The following HMCN1 variants were observed in gnomAD, a reference collection of about 807,000 sequenced individuals.
HMCN1 encodes the protein hemicentin 1.
A neutral mutation model predicts 625.9 loss-of-function variants in HMCN1; 321 were observed. That is an observed-to-expected ratio of 0.51 (90% CI 0.47 to 0.56). The LOEUF (loss-of-function observed/expected upper bound fraction) is 0.56, where lower values mean the gene tolerates loss of function less well. Among genes scored for constraint, HMCN1 ranks in the 20% least tolerant of loss-of-function variants. The pLI is 0.00. For synonymous variants in HMCN1, 2,425 were observed against 2,417.6 expected (o/e 1.00, Z -0.09); for missense variants, 6,588 against 6,887.3 (o/e 0.96, Z 1.54).
At position 186,081,061 on chromosome 1, in the gene HMCN1, A is replaced by G. The variant is rs1659140357; in HGVS notation, c.8600-146A>G. ...TTTCACCACCCCAATTTATTAGTAT[A>G]AAATGTTACCTGGGGATCATATAGT... On this transcript the variant is annotated intron_variant, in intron 55 of 106. Transcript: ENST00000271588. 5.2e-6 allele frequency: 4 copies of G among 776,052 alleles called. No homozygotes were observed. The Admixed American group carries it at 6.9e-5, about 13-fold the overall frequency. 48.1% of individuals were successfully genotyped at this position (776,052 alleles called of 1,614,324 possible).
At chr1:185,770,253 G>A (rs762778823) in intron 1 of HMCN1, among the ~76,000 whole-genome samples, 3 of 152,156 alleles carry the variant, frequency 2.0e-5, no homozygotes, top group African/African-American at 7.2e-5. Context: ...ACTGAAGAGA[G>A]GAATGAACAA....
rs375085364 is a variant in HMCN1, at chr1:186,125,674, C to A, written c.12570C>A (p.Cys4190Ter). 1.2e-6 allele frequency: 2 copies of A among 1,612,294 alleles called. No homozygotes were observed. Among genetic ancestry groups the A allele is most frequent in the South Asian group, 2.2e-5 (2 of 91,044 alleles). Residue 4190 changes from cysteine to a stop codon, truncating the protein, a stop_gained, in exon 82 of 107, where the codon TGC becomes TGA. Transcript: ENST00000271588. LOFTEE classifies it high-confidence loss of function. Reference protein sequence around the residue: ...VNENSQAILPCVADGIPTPAI... With the variant: ...VNENSQAILP ...AGAATTCACAAGCCATTCTTCCATG[C>A]GTAGCTGATGGAATCCCCACACCAG...
intron 96 of HMCN1, 82 bp downstream of exon 96, chr1:186,152,953 T>A: frequency 1.3e-6 from 2 of 1,534,084 alleles, no homozygotes; most frequent in Non-Finnish European, 1.8e-6. Flanking sequence ...ACAGATAACT[T>A]GTTCACTCTG....
In HMCN1 at chr1:185,994,804, AT is replaced by A. The variant is rs1652671390; in HGVS notation, c.3506-9del. The A allele has an allele frequency of 6.2e-7, 1 of 1,612,466 alleles. No homozygotes were observed. The highest frequency in any genetic ancestry group is 8.5e-7 in the Non-Finnish European group (1 of 1,178,832). Reference sequence around the variant, plus strand: ...AAAGTTGGATTATTAATACCCAGTTATTATTTCTAGTTCCTCCAAAGATACA... The same window carrying A: ...AAAGTTGGATTATTAATACCCAGTTATATTTCTAGTTCCTCCAAAGATACA... On this transcript the variant is annotated splice_polypyrimidine_tract_variant and intron_variant, in intron 23 of 106. Coordinates refer to ENST00000271588, the MANE Select transcript of HMCN1 (RefSeq NM_031935.3).
Position 186,166,869 on chromosome 1 carries a change from G to A in HMCN1, c.15501G>A (p.Thr5167=), listed in dbSNP as rs1163890278. Residue 5167 remains threonine (T), a synonymous_variant, in exon 100 of 107, where the codon ACG becomes ACA. Transcript: ENST00000271588. Reference sequence around the variant, plus strand: ...ACGCTGGTCAGGACTGTGACAATACGATTGGATCTTATCGCTGTGTGGTCC... The same window carrying A: ...ACGCTGGTCAGGACTGTGACAATACAATTGGATCTTATCGCTGTGTGGTCC... ...TCHAGQDCDN[T]IGSYRCVVRC... The A allele has an allele frequency of 6.8e-6, 11 of 1,614,144 alleles. No homozygotes were observed. Among genetic ancestry groups the A allele is most frequent in the South Asian group, 2.2e-5 (2 of 91,076 alleles).
rs758532616 is a variant in HMCN1 at position 186,114,963 on chromosome 1, A to G, written c.11404+17A>G. On this transcript the variant is annotated intron_variant, in intron 74 of 106. Coordinates refer to ENST00000271588, the MANE Select transcript of HMCN1 (RefSeq NM_031935.3). ...AGGTCCATGGTAAATATCCGTTTAT[A>G]GACAACATCCGGTCTCTGTGTCAAA... 6.2e-7 allele frequency: 1 copy of G among 1,614,202 alleles called. No individual in the cohort carries two copies. The highest frequency in any genetic ancestry group is 8.5e-7 in the Non-Finnish European group (1 of 1,180,004).
At position 186,115,275 on chromosome 1, in the gene HMCN1, C is replaced by T; in HGVS notation, c.11422C>T (p.Pro3808Ser). The T allele has an allele frequency of 6.2e-7, 1 of 1,614,042 alleles. No individual in the cohort carries two copies. The highest frequency in any genetic ancestry group is 8.5e-7 in the Non-Finnish European group (1 of 1,179,964). Reference sequence around the variant, plus strand: ...TGTCTTAGTTCCTCCATCTATTGCTCCGGGTCCTACCAACATGACTGTAAT... The same window carrying T: ...TGTCTTAGTTCCTCCATCTATTGCTTCGGGTCCTACCAACATGACTGTAAT... ...LQVHVPPSIA[P>S]GPTNMTVIVN... is the part of the protein sequence containing the mutation. Residue 3808 changes from proline to serine, a missense_variant, in exon 75 of 107, where the codon CCG becomes TCG. Physicochemically the swap from Pro to Ser is moderately conservative, Grantham distance 74. Around this residue, in one of 3 missense-constraint regions of HMCN1, gnomAD observed 4,628 missense variants for 4,853.1 expected, o/e 0.95. Coordinates refer to ENST00000271588, the MANE Select transcript of HMCN1 (RefSeq NM_031935.3).
intron 32 of HMCN1, 97 bp from the exon 33 acceptor site, chr1:186,016,866 A>G (rs1436601596): frequency 1.3e-6 from 1 of 770,138 alleles, no homozygotes; most frequent in Admixed American, 1.7e-5. Flanking sequence ...TATGATACCT[A>G]TCAATCTTCT....
chr1:186,067,456 T>C (rs1658199917), intron 49 of HMCN1, among the ~76,000 whole-genome samples: 1 of 152,130 alleles, frequency 6.6e-6, no homozygotes, highest in Non-Finnish European at 1.5e-5. Flanking sequence ...ACTGATCGTT[T>C]AAGGCTCACT....
At chr1:185,812,864 AT>A (rs976433377) in intron 1 of HMCN1, among the ~76,000 whole-genome samples, 16 of 151,990 alleles carry the variant, frequency 1.1e-4, no homozygotes, top group African/African-American at 3.1e-4. Flanking sequence ...ATGAGACCTA[AT>A]TTTTTTATGT....
At chr1:185,840,047 A>G (rs1393232363) in intron 1 of HMCN1, among the ~76,000 whole-genome samples, 1 of 152,194 alleles carries the variant, frequency 6.6e-6, no homozygotes, top group African/African-American at 2.4e-5. Flanking sequence ...AATGTACTCA[A>G]CTAAATGAGT....
At chr1:185,803,204 G>GAAAAA (rs1557981375) in intron 1 of HMCN1, among the ~76,000 whole-genome samples, 17 of 23,690 alleles carry the variant, frequency 7.2e-4, no homozygotes, top group East Asian at 2.5e-3. Flanking sequence ...AAAAAAAAAA[G>GAAAAA]CAAAAAAAAA....
At chr1:186,039,237 A>G (rs971019016) in intron 38 of HMCN1, among the ~76,000 whole-genome samples, 1 of 152,200 alleles carries the variant, frequency 6.6e-6, no homozygotes, top group Non-Finnish European at 1.5e-5. Context: ...TGAAATAGTC[A>G]TTGATACTGT....
At chr1:185,844,991 C>T (rs1661721386) in intron 1 of HMCN1, among the ~76,000 whole-genome samples, 1 of 152,154 alleles carries the variant, frequency 6.6e-6, no homozygotes, top group African/African-American at 2.4e-5. Flanking sequence ...TCTTGGCTCT[C>T]CAGGGAAGGC....
At chr1:186,047,295 C>T (rs1370316434) in intron 41 of HMCN1, among the ~76,000 whole-genome samples, 1 of 152,128 alleles carries the variant, frequency 6.6e-6, no homozygotes, top group Non-Finnish European at 1.5e-5. Context: ...ATTGCCTATT[C>T]TCAGGGGCAG....
intron 1 of HMCN1, among the ~76,000 whole-genome samples, chr1:185,802,413 T>G (rs186786149): frequency 6.4e-4 from 98 of 152,252 alleles, no homozygotes; most frequent in African/African-American, 1.9e-3. Context: ...CCATGCGTAG[T>G]TTTTAACTGA....
chr1:185,771,953 T>G (rs531391783), intron 1 of HMCN1, among the ~76,000 whole-genome samples: 10 of 152,206 alleles, frequency 6.6e-5, no homozygotes, highest in Admixed American at 5.9e-4. Context: ...ATGGGGAGAA[T>G]AGAAGTAACC....
intron 11 of HMCN1, among the ~76,000 whole-genome samples, chr1:185,942,036 CA>C (rs1222803379): frequency 6.5e-4 from 98 of 151,576 alleles, no homozygotes; most frequent in African/African-American, 2.3e-3. Context: ...ACTAAAAATA[CA>C]AAAATTAGCC....
At chr1:185,904,139 C>T (rs146871959) in intron 4 of HMCN1, among the ~76,000 whole-genome samples, 4 of 151,928 alleles carry the variant, frequency 2.6e-5, no homozygotes, top group Admixed American at 2.0e-4. Flanking sequence ...TCTCTGAGTT[C>T]CTCCATCATA....
Sources: allele counts gnomAD v4.1 joint callset (sites outside exome capture counted in the v4.1 genomes callset), GRCh38; gene constraint gnomAD v4.1.1; regional missense constraint gnomAD v4.1.1; transcripts MANE v1.5; gene names NCBI Gene and HGNC (gene_info 2026-07-23, HGNC 2026-07-21).